TMCC1: variants seen among roughly 807,000 people sequenced by gnomAD.
The protein encoded by TMCC1 is transmembrane and coiled-coil domain family 1, also known as transmembrane and coiled-coil domains protein 1.
Under a neutral mutation model 52.4 loss-of-function variants are expected in TMCC1, and 15 were observed. The observed-to-expected ratio is 0.29, with a 90% CI of 0.19 to 0.44. The LOEUF (loss-of-function observed/expected upper bound fraction) is 0.44, where lower values mean the gene tolerates loss of function less well. Among genes scored for constraint, TMCC1 ranks in the 20% least tolerant of loss-of-function variants. The pLI is 1.00. For synonymous variants in TMCC1, 279 were observed against 301.9 expected (o/e 0.92, Z 0.79); for missense variants, 503 against 806.0 (o/e 0.62, Z 4.55).
chr3:129,715,819 C>T (rs1340215277), intron 4 of TMCC1, among the ~76,000 whole-genome samples: 1 of 152,008 alleles, frequency 6.6e-6, no homozygotes, highest in Admixed American at 6.6e-5. Context: ...TATTGAGTGG[C>T]CAGTCACTGT....
At chr3:129,875,856 C>T (rs750548927) in intron 2 of TMCC1, among the ~76,000 whole-genome samples, 91 of 152,160 alleles carry the variant, frequency 6.0e-4, no homozygotes, top group Middle Eastern at 3.4e-3. Flanking sequence ...AAAATAGGGC[C>T]GGTGCCGTGG....
At chr3:129,706,169 C>T (rs566176181) in intron 4 of TMCC1, among the ~76,000 whole-genome samples, 36 of 141,598 alleles carry the variant, frequency 2.5e-4, no homozygotes, top group Admixed American at 1.1e-3. Context: ...GGGATACAGG[C>T]GTGAGCCACC....
chr3:129,747,178 AG>A (rs573944422), intron 4 of TMCC1, among the ~76,000 whole-genome samples: 22 of 152,208 alleles, frequency 1.4e-4, no homozygotes, highest in Non-Finnish European at 2.8e-4. Context: ...AAATAAACTC[AG>A]AGTCCCCTCA....
intron 4 of TMCC1, among the ~76,000 whole-genome samples, chr3:129,765,653 C>T (rs560277435): frequency 6.6e-6 from 1 of 151,936 alleles, no homozygotes; most frequent in South Asian, 2.1e-4. Flanking sequence ...TCCTAGCTTA[C>T]CCAGAATTTG....
At chr3:129,873,590 G>A (rs1560594279) in intron 2 of TMCC1, among the ~76,000 whole-genome samples, 1 of 152,108 alleles carries the variant, frequency 6.6e-6, no homozygotes, top group Non-Finnish European at 1.5e-5. Flanking sequence ...TAAGGCAAGA[G>A]GATCCCTTGA....
chr3:129,877,965 A>T lies in TMCC1; in HGVS notation c.-184+2344T>A, dbSNP rs554669538. ...TTTTAATGTTTTTATTTTTATTTTT[A>T]TTTTTTTTTTGAGACAGAGTTTCGC... On this transcript the variant is annotated intron_variant, in intron 2 of 6. Transcript: ENST00000393238. Among the ~76,000 whole-genome samples the T allele has an allele frequency of 4.0e-4, 48 of 120,630 alleles. No individual in the cohort carries two copies. The South Asian group carries it at 4.9e-3, about 12-fold the overall frequency. The allele number at this position is 120,630 out of a possible 152,430, so 79.1% of individuals were successfully genotyped here.
chr3:129,660,197 G>C (rs879276524), intron 5 of TMCC1, among the ~76,000 whole-genome samples: 2 of 152,134 alleles, frequency 1.3e-5, no homozygotes, highest in Admixed American at 1.3e-4. Flanking sequence ...GCCCAGGTTG[G>C]AGTGCAGTGG....
intron 5 of TMCC1, among the ~76,000 whole-genome samples, chr3:129,657,240 A>T (rs1255722373): frequency 2.0e-5 from 3 of 151,886 alleles, no homozygotes; most frequent in African/African-American, 7.3e-5. Context: ...CTACCACACA[A>T]CCTCTTAGCC....
intron 4 of TMCC1, among the ~76,000 whole-genome samples, chr3:129,736,838 G>A (rs113815984): frequency 9.2e-5 from 14 of 151,860 alleles, no homozygotes; most frequent in African/African-American, 3.1e-4. Context: ...TCAAGTATGA[G>A]TACCCTTTCT....
intron 1 of TMCC1, among the ~76,000 whole-genome samples, chr3:129,887,776 T>C (rs1479479169): frequency 2.6e-5 from 4 of 152,174 alleles, no homozygotes; most frequent in Non-Finnish European, 5.9e-5. Context: ...AGAGACAAAC[T>C]TTCTAGAGCT....
intron 2 of TMCC1, among the ~76,000 whole-genome samples, chr3:129,836,258 A>C (rs1420329115): frequency 6.6e-6 from 1 of 152,212 alleles, no homozygotes; most frequent in African/African-American, 2.4e-5. Context: ...CCATAATCAT[A>C]ATAAATTTTG....
chr3:129,697,409 G>A (rs1440168475), intron 4 of TMCC1, among the ~76,000 whole-genome samples: 1 of 151,876 alleles, frequency 6.6e-6, no homozygotes, highest in South Asian at 2.1e-4. Flanking sequence ...GTACACAGCA[G>A]GGGGGTCCTC....
At chr3:129,862,814 G>A (rs1301771017) in intron 2 of TMCC1, among the ~76,000 whole-genome samples, 2 of 152,072 alleles carry the variant, frequency 1.3e-5, no homozygotes, top group Non-Finnish European at 2.9e-5. Flanking sequence ...ATGTCTACGT[G>A]GAAAAATATA....
chr3:129,781,990 C>T (rs1037698365), intron 4 of TMCC1, among the ~76,000 whole-genome samples: 4 of 152,044 alleles, frequency 2.6e-5, no homozygotes, highest in Admixed American at 1.3e-4. Flanking sequence ...TCAAAGATCT[C>T]GGAGTTGAAG....
chr3:129,696,083 C>T (rs1024702625), intron 4 of TMCC1, among the ~76,000 whole-genome samples: 1 of 152,188 alleles, frequency 6.6e-6, no homozygotes, highest in Non-Finnish European at 1.5e-5. Flanking sequence ...TATTAAACAG[C>T]TAGATCTTTT....
At chr3:129,789,835 CTA>C (rs1017839343) in intron 4 of TMCC1, among the ~76,000 whole-genome samples, 2 of 152,104 alleles carry the variant, frequency 1.3e-5, no homozygotes, top group Admixed American at 6.6e-5. Flanking sequence ...TGACAGGACA[CTA>C]TGAGATGTGG....
chr3:129,667,264 TTTTA>T (rs916450538), intron 5 of TMCC1, among the ~76,000 whole-genome samples: 1 of 146,504 alleles, frequency 6.8e-6, no homozygotes, highest in Non-Finnish European at 1.5e-5. Context: ...TGTAGAAAAA[TTTTA>T]TTTATGTGAA....
intron 4 of TMCC1, among the ~76,000 whole-genome samples, chr3:129,759,721 T>G (rs2053355547): frequency 8.3e-6 from 1 of 119,900 alleles, no homozygotes; most frequent in Non-Finnish European, 1.8e-5. Flanking sequence ...TTTTTTTTTT[T>G]TTTTTTTTTT....
chr3:129,759,809 C>A (rs973877181), intron 4 of TMCC1, among the ~76,000 whole-genome samples: 1 of 148,812 alleles, frequency 6.7e-6, no homozygotes, highest in African/African-American at 2.5e-5. Context: ...GCAAGCTCCG[C>A]CTCCCGGGTT....
Sources: allele counts gnomAD v4.1 joint callset (sites outside exome capture counted in the v4.1 genomes callset), GRCh38; gene constraint gnomAD v4.1.1; transcripts MANE v1.5; gene names NCBI Gene and HGNC (gene_info 2026-07-23, HGNC 2026-07-21).